Variants in CPXM2 observed in about 807,000 individuals in gnomAD.
The protein encoded by CPXM2 is inactive carboxypeptidase-like protein X2.
CPXM2 carries 66 observed loss-of-function variants against 86.1 expected under a neutral mutation model. The ratio of observed to expected loss-of-function variants is 0.77; its 90% CI spans 0.63 to 0.94. The LOEUF (loss-of-function observed/expected upper bound fraction) is 0.94. Ranked by LOEUF, CPXM2 falls within the 40% of genes least tolerant of loss-of-function variation. The pLI, the probability that CPXM2 is intolerant of heterozygous loss-of-function variation, is 0.00. For synonymous variants in CPXM2, 388 were observed against 400.2 expected (o/e 0.97, Z 0.36); for missense variants, 948 against 1,026.3 (o/e 0.92, Z 1.04).
At chr10:123,760,383 T>A (rs913230210) in intron 11 of CPXM2, among the ~76,000 whole-genome samples, 2 of 152,218 alleles carry the variant, frequency 1.3e-5, no homozygotes, top group African/African-American at 4.8e-5. Context: ...CATTTTTTTT[T>A]ATTTCATACA....
intron 6 of CPXM2, among the ~76,000 whole-genome samples, chr10:123,794,168 C>T (rs150292104): frequency 0.016 from 2,473 of 152,302 alleles, 66 homozygotes; most frequent in African/African-American, 0.056. Flanking sequence ...CTCCTGTCCA[C>T]AGATCTCTGT....
chr10:123,754,617 A>G lies in CPXM2; in HGVS notation c.2017+46T>C, dbSNP rs1564750263. The G allele has an allele frequency of 9.8e-7, 1 of 1,017,788 alleles. No individual in the cohort carries two copies. 63.0% of individuals were successfully genotyped at this position (1,017,788 alleles called of 1,614,324 possible). On this transcript the variant is annotated intron_variant, in intron 13 of 13. Transcript: ENST00000241305. The surrounding 1 kb of genome is among the most constrained non-coding windows in gnomAD (Gnocchi z 4.0). ...TAACCCAAGTAAAATGCCTAAAAAA[A>G]TGGGTATTTCTTACCAAGAGACAGT...
intron 4 of CPXM2, among the ~76,000 whole-genome samples, chr10:123,826,528 G>T (rs749236800): frequency 2.0e-5 from 3 of 151,940 alleles, no homozygotes; most frequent in Non-Finnish European, 4.4e-5. Context: ...AAGGGGACAG[G>T]GTATGAAGGA....
chr10:123,801,202 C>T (rs1847450453), intron 4 of CPXM2, among the ~76,000 whole-genome samples: 1 of 152,188 alleles, frequency 6.6e-6, no homozygotes, highest in South Asian at 2.1e-4. Context: ...GCAGGTTCTT[C>T]CCATCTCATT....
At chr10:123,750,163 A>G in intron 13 of CPXM2, 1 of 985,276 alleles carries the variant, frequency 1.0e-6, no homozygotes, top group South Asian at 4.7e-5. Context: ...CTAATTTTCA[A>G]GAAATTTGTT....
intron 6 of CPXM2, among the ~76,000 whole-genome samples, chr10:123,794,321 C>A (rs1329487598): frequency 6.6e-6 from 1 of 152,198 alleles, no homozygotes; most frequent in Non-Finnish European, 1.5e-5. Flanking sequence ...AAGCCCCACA[C>A]ATTCATCATA....
At chr10:123,789,886 AG>A (rs1847166347) in intron 6 of CPXM2, among the ~76,000 whole-genome samples, 3 of 152,164 alleles carry the variant, frequency 2.0e-5, no homozygotes, top group Non-Finnish European at 1.5e-5. Context: ...TGGGAGGCCG[AG>A]GCAGGCGGAT....
At chr10:123,798,791 CTA>C (rs1415097278) in intron 5 of CPXM2, among the ~76,000 whole-genome samples, 2 of 152,344 alleles carry the variant, frequency 1.3e-5, no homozygotes, top group Admixed American at 1.3e-4. Flanking sequence ...AGTTAGGAAA[CTA>C]TTAAGAACAG....
intron 11 of CPXM2, among the ~76,000 whole-genome samples, chr10:123,759,761 C>A (rs542793478): frequency 6.6e-6 from 1 of 152,318 alleles, no homozygotes; most frequent in African/African-American, 2.4e-5. Context: ...GATGCTACCA[C>A]GACACCTGCC....
rs1484675565 is a variant in CPXM2, at chr10:123,768,601, G to T, written c.1224C>A (p.Val408=). 1 of 1,614,020 alleles carries T rather than the reference G, an allele frequency of 6.2e-7. No individual in the cohort carries two copies. The highest frequency in any genetic ancestry group is 2.2e-5 in the East Asian group (1 of 44,868). Residue 408 remains valine, a synonymous_variant, in exon 9 of 14, where the codon GTC becomes GTA. Coordinates refer to ENST00000241305, the MANE Select transcript of CPXM2 (RefSeq NM_198148.3). ...QEYLARNARI[V]HLVEETRIHV... is the part of the protein sequence containing the mutation. ...GAATCCGCGTCTCCTCCACCAGGTGGACGATGCGCGCATTCCGGGCCAAGT... is the reference window on the plus strand; with the variant it reads ...GAATCCGCGTCTCCTCCACCAGGTGTACGATGCGCGCATTCCGGGCCAAGT...
intron 4 of CPXM2, among the ~76,000 whole-genome samples, chr10:123,828,484 C>T (rs1403475610): frequency 6.6e-6 from 1 of 152,146 alleles, no homozygotes; most frequent in Non-Finnish European, 1.5e-5. Flanking sequence ...GAATAAGCCT[C>T]ATGAGATCTG....
At chr10:123,796,449 T>C (rs1847337264) in intron 6 of CPXM2, among the ~76,000 whole-genome samples, 1 of 151,972 alleles carries the variant, frequency 6.6e-6, no homozygotes. Context: ...ATGGTTTTGA[T>C]GACATAAAAA....
At chr10:123,774,855 G>A (rs1373257838) in intron 7 of CPXM2, among the ~76,000 whole-genome samples, 1 of 152,204 alleles carries the variant, frequency 6.6e-6, no homozygotes, top group African/African-American at 2.4e-5. Context: ...GACACTGCCA[G>A]GACAGCAGGG....
At chr10:123,830,872 C>CTCTCTGTGTGTGTG (rs1258897184) in intron 4 of CPXM2, among the ~76,000 whole-genome samples, 92 of 142,798 alleles carry the variant, frequency 6.4e-4, no homozygotes, top group African/African-American at 2.2e-3. Flanking sequence ...CTCTCTCTCT[C>CTCTCTGTGTGTGTG]TGTGTGTGTG....
chr10:123,792,180 T>A (rs1461306739), intron 6 of CPXM2, among the ~76,000 whole-genome samples: 1 of 152,116 alleles, frequency 6.6e-6, no homozygotes. Context: ...ACCTATGGGA[T>A]CTGGTGACCT....
chr10:123,789,935 G>A (rs970805710), intron 6 of CPXM2, among the ~76,000 whole-genome samples: 14 of 152,012 alleles, frequency 9.2e-5, no homozygotes, highest in Non-Finnish European at 2.1e-4. Context: ...TGGCTAACAC[G>A]GTGAAACCCC....
At chr10:123,789,241 C>T (rs764583400) in intron 6 of CPXM2, among the ~76,000 whole-genome samples, 14 of 152,192 alleles carry the variant, frequency 9.2e-5, no homozygotes, top group Non-Finnish European at 4.4e-5. Context: ...GATCCTGGGT[C>T]ATCACTGTCA....
At chr10:123,815,375 T>C (rs999988572) in intron 4 of CPXM2, among the ~76,000 whole-genome samples, 1 of 152,292 alleles carries the variant, frequency 6.6e-6, no homozygotes, top group South Asian at 2.1e-4. Flanking sequence ...GAAAGGTGCA[T>C]ACACAGCCTC....
rs747583183 is a variant in CPXM2, at chr10:123,780,186, T to C, written c.959A>G (p.Asn320Ser). The part of the protein sequence containing the change: ...TTDDLDFKHH[N>S]YKEMRQLMKV... ...TCTTACCTGGCGCATTTCCTTATAA[T>C]TGTGGTGCTTAAAATCCAGGTCATC... The change falls in exon 7 of 14, where the codon AAT (asparagine) becomes AGT (serine). Residue 320 changes from asparagine to serine, a missense_variant. Physicochemically the swap from Asn to Ser is conservative, Grantham distance 46. Transcript: ENST00000241305. The C allele has an allele frequency of 1.9e-6, 3 of 1,607,848 alleles. No homozygotes were observed. Among genetic ancestry groups the C allele is most frequent in the Non-Finnish European group, 2.6e-6 (3 of 1,174,292 alleles).
Sources: gnomAD v4.1 joint callset for allele counts (sites outside exome capture counted in the v4.1 genomes callset) on GRCh38, gnomAD v4.1.1 for gene constraint, Gnocchi (gnomAD v3.1) non-coding constraint, MANE v1.5 for transcripts, NCBI Gene and HGNC (gene_info 2026-07-23, HGNC 2026-07-21) for gene names.